NSD2: variants seen among roughly 807,000 people sequenced by gnomAD.
NSD2 encodes nuclear receptor binding SET domain protein 2.
NSD2 carries 12 observed loss-of-function variants against 139.0 expected under a neutral mutation model. The ratio of observed to expected loss-of-function variants is 0.09; its 90% CI spans 0.06 to 0.14. The LOEUF (loss-of-function observed/expected upper bound fraction) is 0.14. Among genes scored for constraint, NSD2 ranks in the 10% least tolerant of loss-of-function variants. NSD2 has a pLI of 1.00. For missense variants in NSD2, 1,155 were observed against 1,745.0 expected (o/e 0.66, Z 6.02); for synonymous variants, 669 against 648.7 (o/e 1.03, Z -0.48).
Position 1,956,806 on chromosome 4 carries a change from A to G in NSD2, c.2881+618A>G, listed in dbSNP as rs1357262406. Among the ~76,000 whole-genome samples the G allele has an allele frequency of 6.6e-6, 1 of 152,212 alleles. No homozygotes were observed. Among genetic ancestry groups the G allele is most frequent in the African/African-American group, 2.4e-5 (1 of 41,446 alleles). On this transcript the variant is annotated intron_variant, in intron 15 of 21. Coordinates refer to ENST00000508803, the MANE Select transcript of NSD2 (RefSeq NM_001042424.3). This position sits in a 1 kb window ranked among gnomAD's most constrained non-coding sequence, Gnocchi z 5.3. Reference sequence around the variant, plus strand: ...GCATGTGGCTCGTTCAGGGAGAAGCACACGCTGTGTTGCAGCCGGGTCAGT... The same window carrying G: ...GCATGTGGCTCGTTCAGGGAGAAGCGCACGCTGTGTTGCAGCCGGGTCAGT...
At chr4:1,893,212 A>C (rs1326211306) in intron 1 of NSD2, among the ~76,000 whole-genome samples, 2 of 152,174 alleles carry the variant, frequency 1.3e-5, no homozygotes, top group African/African-American at 4.8e-5. Flanking sequence ...AAATGCCTCC[A>C]ATCCCAGCAC....
At position 1,957,874 on chromosome 4, in the gene NSD2, T is replaced by A. The variant is rs1239462287; in HGVS notation, c.2882-59T>A. 20 of 1,471,718 alleles carry A rather than the reference T, an allele frequency of 1.4e-5. No homozygotes were observed. The South Asian group carries it at 2.3e-4, about 17-fold the overall frequency. The allele number at this position is 1,471,718 out of a possible 1,614,324, so 91.2% of individuals were successfully genotyped here. The stretch of plus-strand genomic sequence containing the variant: ...AGAGTGAACTATAAAAATATGGAGC[T>A]TGAAAGGTAGTTACCTGTATTTACT... On this transcript the variant is annotated intron_variant, in intron 15 of 21. Coordinates refer to ENST00000508803, the MANE Select transcript of NSD2 (RefSeq NM_001042424.3).
At chr4:1,875,784 C>A (rs1287854149) in intron 1 of NSD2, among the ~76,000 whole-genome samples, 1 of 150,790 alleles carries the variant, frequency 6.6e-6, no homozygotes, top group East Asian at 1.9e-4. Context: ...TGGTGGACGC[C>A]TGTAGTCCCA....
chr4:1,875,532 G>A (rs1714185458), intron 1 of NSD2, among the ~76,000 whole-genome samples: 1 of 151,982 alleles, frequency 6.6e-6, no homozygotes, highest in Admixed American at 6.6e-5. Context: ...CTCCCACTTC[G>A]GCCTTGTGCC....
At position 1,981,030 on chromosome 4, in the gene NSD2, C is replaced by G. The variant is rs116110889; in HGVS notation, c.*2121C>G. The G allele has an allele frequency of 2.6e-5, 6 of 233,232 alleles. No homozygotes were observed. The highest frequency in any genetic ancestry group is 3.4e-5 in the Non-Finnish European group (4 of 118,010). 14.4% of individuals were successfully genotyped at this position (233,232 alleles called of 1,614,324 possible). On this transcript the variant is annotated 3_prime_UTR_variant, in exon 22 of 22. Transcript: ENST00000508803. ...GCAGGTAAGGGACTACCAATGCTTA[C>G]GTCAAAACAGCAGAATCGGCTTTGC...
intron 9 of NSD2, 73 bp downstream of exon 9, chr4:1,939,851 G>A (rs1722902068): frequency 6.2e-7 from 1 of 1,609,300 alleles, no homozygotes; most frequent in Admixed American, 1.7e-5. Flanking sequence ...TGCAGTGTGA[G>A]TAATGCTCAG....
intron 5 of NSD2, among the ~76,000 whole-genome samples, chr4:1,926,129 T>C (rs1203216039): frequency 1.3e-5 from 2 of 150,734 alleles, no homozygotes; most frequent in Non-Finnish European, 3.0e-5. Context: ...GCATTTTCAC[T>C]AGCAGGCTTT....
chr4:1,958,060 C>T lies in NSD2; in HGVS notation c.2985+24C>T, dbSNP rs201455479. The T allele has an allele frequency of 1.2e-5, 19 of 1,609,910 alleles. No homozygotes were observed. The highest frequency in any genetic ancestry group is 1.9e-4 in the Middle Eastern group (1 of 5,300). ...AGGTGGCGTGTGGGAGCTGCGTGCA[C>T]GCGTGTGGAGGGAGTCTTCCCCGAG... On this transcript the variant is annotated intron_variant, in intron 16 of 21. Transcript: ENST00000508803. This position sits in a 1 kb window ranked among gnomAD's most constrained non-coding sequence, Gnocchi z 4.6.
At chr4:1,968,735 AG>A (rs1726138247) in intron 18 of NSD2, among the ~76,000 whole-genome samples, 1 of 152,220 alleles carries the variant, frequency 6.6e-6, no homozygotes, top group South Asian at 2.1e-4. Flanking sequence ...AGTAACAACA[AG>A]GAAAGGCTCC....
At position 1,953,306 on chromosome 4, in the gene NSD2, T is replaced by G. The variant is rs1369186589; in HGVS notation, c.2138-18T>G. 2 of 1,614,228 alleles carry G rather than the reference T, an allele frequency of 1.2e-6. No homozygotes were observed. Among genetic ancestry groups the G allele is most frequent in the South Asian group, 1.1e-5 (1 of 91,088 alleles). Reference sequence around the variant, plus strand: ...TCTTTGCACCTCTCTCTCCACCCCTTCTTTAACTTTTTGTTAGGGATTCAC... The same window carrying G: ...TCTTTGCACCTCTCTCTCCACCCCTGCTTTAACTTTTTGTTAGGGATTCAC... On this transcript the variant is annotated intron_variant, in intron 11 of 21. Transcript: ENST00000508803.
intron 3 of NSD2, among the ~76,000 whole-genome samples, chr4:1,911,271 G>T (rs1718621565): frequency 6.6e-6 from 1 of 152,102 alleles, no homozygotes; most frequent in Non-Finnish European, 1.5e-5. Context: ...TATACAGATG[G>T]TGATTAATGA....
intron 1 of NSD2, among the ~76,000 whole-genome samples, chr4:1,872,042 TCCCGGGGCCGGC>T (rs1402526318): frequency 6.9e-6 from 1 of 145,598 alleles, no homozygotes; most frequent in Non-Finnish European, 1.5e-5. Context: ...CAGGTTGGGG[TCCCGGGGCCGGC>T]GCCGGGGCCA....
intron 9 of NSD2, chr4:1,943,284 T>C (rs547834865): frequency 2.9e-6 from 3 of 1,043,444 alleles, no homozygotes; most frequent in African/African-American, 1.7e-5. Context: ...TCTTTGGCTG[T>C]GTTTTATCTT....
chr4:1,942,043 C>T lies in NSD2; in HGVS notation c.1881+2265C>T. ...CCCTTTGCATGTTTGTATTTCCTCC[C>T]TTTCATCACATTTGTTTGAAATAAG... On this transcript the variant is annotated intron_variant, in intron 9 of 21. Transcript: ENST00000508803. The surrounding 1 kb of genome is among the most constrained non-coding windows in gnomAD (Gnocchi z 4.0). The T allele has an allele frequency of 8.7e-7, 1 of 1,155,526 alleles. No individual in the cohort carries two copies. Among genetic ancestry groups the T allele is most frequent in the Non-Finnish European group, 1.1e-6 (1 of 933,360 alleles). The allele number at this position is 1,155,526 out of a possible 1,614,324, so 71.6% of individuals were successfully genotyped here. A position where few individuals can be genotyped will look rare whatever the true frequency, so the allele number is the denominator to read the frequency against.
At position 1,935,509 on chromosome 4, in the gene NSD2, A is replaced by G. The variant is rs150684717; in HGVS notation, c.1674+247A>G. ...GGTGTGTTGCTCTGCAAGAAAACAG[A>G]CATCCAAATGCTTTGAGTAATACTT... On this transcript the variant is annotated intron_variant, in intron 7 of 21. Transcript: ENST00000508803. Among the ~76,000 whole-genome samples the G allele has an allele frequency of 4.2e-4, 64 of 152,358 alleles. 3 individuals carry two copies. In the East Asian group the frequency reaches 0.012, roughly 29 times the overall value.
chr4:1,886,100 A>G (rs544907871), intron 1 of NSD2, among the ~76,000 whole-genome samples: 1 of 152,358 alleles, frequency 6.6e-6, no homozygotes, highest in East Asian at 1.9e-4. Context: ...AAGCGCGTCC[A>G]TTGAAGACGT....
intron 15 of NSD2, among the ~76,000 whole-genome samples, chr4:1,957,277 T>C (rs1560764105): frequency 6.6e-6 from 1 of 151,220 alleles, no homozygotes; most frequent in Non-Finnish European, 1.5e-5. Flanking sequence ...GCTGCATGTT[T>C]TTTTGTTTTT....
intron 10 of NSD2, among the ~76,000 whole-genome samples, chr4:1,951,443 TACACACACACACACACACAC>T (rs71167763): frequency 7.8e-4 from 79 of 101,062 alleles, no homozygotes; most frequent in African/African-American, 2.5e-3. Flanking sequence ...CATCATGTAA[TACACACACACACACACACAC>T]ACACACACAC....
At chr4:1,923,808 C>T (rs1170092299) in intron 5 of NSD2, among the ~76,000 whole-genome samples, 2 of 152,202 alleles carry the variant, frequency 1.3e-5, no homozygotes, top group African/African-American at 2.4e-5. Flanking sequence ...TATGTTCCTA[C>T]AGTGTAACTA....
Sources: gnomAD v4.1 joint callset for allele counts (sites outside exome capture counted in the v4.1 genomes callset) on GRCh38, gnomAD v4.1.1 for gene constraint, Gnocchi (gnomAD v3.1) non-coding constraint, MANE v1.5 for transcripts, NCBI Gene and HGNC (gene_info 2026-07-23, HGNC 2026-07-21) for gene names.